The following SMO variants were observed in gnomAD, a reference collection of about 807,000 sequenced individuals.
SMO encodes protein smoothened.
A neutral mutation model predicts 81.6 loss-of-function variants in SMO; 40 were observed. That is an observed-to-expected ratio of 0.49 (90% CI 0.38 to 0.64). The LOEUF (loss-of-function observed/expected upper bound fraction) is 0.64, where lower values mean the gene tolerates loss of function less well. Ranked by LOEUF, SMO falls within the 30% of genes least tolerant of loss-of-function variation. The pLI, the probability that SMO is intolerant of heterozygous loss-of-function variation, is 0.00. For synonymous variants in SMO, 434 were observed against 432.1 expected, an observed-to-expected ratio of 1.00 and a Z score of -0.05; for missense variants, 916 against 1,061.1, an observed-to-expected ratio of 0.86 and a Z score of 1.90.
rs904149234 is a variant in SMO, at chr7:129,188,906, T to A, written c.-246T>A. 3.1e-6 allele frequency: 1 copy of A among 327,638 alleles called. No individual in the cohort carries two copies. Among genetic ancestry groups the A allele is most frequent in the Non-Finnish European group, 5.6e-6 (1 of 179,880 alleles). 20.3% of individuals were successfully genotyped at this position (327,638 alleles called of 1,614,324 possible). The stretch of plus-strand genomic sequence containing the variant: ...ACAACTTGGATTGCGAGGCTAGGGC[T>A]TGGGGAGTCGTGCATCCCGTTCCGG... On this transcript the variant is annotated 5_prime_UTR_variant, in exon 1 of 12. It adds an upstream start codon to the 5' untranslated region. Coordinates refer to ENST00000249373, the MANE Select transcript of SMO (RefSeq NM_005631.5). The surrounding 1 kb of genome is among the most constrained non-coding windows in gnomAD (Gnocchi z 4.9).
rs2150656817 is a variant in SMO at position 129,212,226 on chromosome 7, G to A, written c.2139G>A (p.Leu713=). The part of the protein sequence containing the change: ...RLPQLPRQKC[L]VAAGAWGAGD... ...CTCAGCTGCCCCGGCAGAAATGCCT[G>A]GTGGCTGCAGGTGCCTGGGGAGCTG... The change falls in exon 12 of 12, where the codon CTG becomes CTA. Residue 713 remains leucine (L), a synonymous_variant. Transcript: ENST00000249373. This position sits in a 1 kb window ranked among gnomAD's most constrained non-coding sequence, Gnocchi z 5.0. The A allele has an allele frequency of 6.3e-7, 1 of 1,585,204 alleles. No homozygotes were observed. Among genetic ancestry groups the A allele is most frequent in the Non-Finnish European group, 8.6e-7 (1 of 1,165,670 alleles).
rs762347438 is a variant in SMO at position 129,203,400 on chromosome 7, C to T, written c.348C>T (p.Pro116=). ...CACCCCCAGGCCTCCGGAATGCCCC[C>T]CGCTGCTGGGCAGTGATCCAGCCCC... The part of the protein sequence containing the change: ...LVLWSGLRNA[P]RCWAVIQPLL... Residue 116 remains proline (P), a synonymous_variant, in exon 2 of 12, where the codon CCC becomes CCT. Coordinates refer to ENST00000249373, the MANE Select transcript of SMO (RefSeq NM_005631.5). 1.3e-6 allele frequency: 2 copies of T among 1,552,438 alleles called. No individual in the cohort carries two copies. The highest frequency in any genetic ancestry group is 1.7e-6 in the Non-Finnish European group (2 of 1,147,616).
At position 129,211,203 on chromosome 7, in the gene SMO, T is replaced by G. The variant is rs1392111976; in HGVS notation, c.1801+90T>G. The G allele has an allele frequency of 7.2e-7, 1 of 1,393,604 alleles. No individual in the cohort carries two copies. Among genetic ancestry groups the G allele is most frequent in the African/African-American group, 1.4e-5 (1 of 70,254 alleles). 86.3% of individuals were successfully genotyped at this position (1,393,604 alleles called of 1,614,324 possible). A position where few individuals can be genotyped will look rare whatever the true frequency, so the allele number is the denominator to read the frequency against. ...CAGCCTGCTGGGGGCACACAGATTATTTGGAAGACCGACTGTGAGGAGCAA... is the reference window on the plus strand; with the variant it reads ...CAGCCTGCTGGGGGCACACAGATTAGTTGGAAGACCGACTGTGAGGAGCAA... On this transcript the variant is annotated intron_variant, in intron 10 of 11. Transcript: ENST00000249373. This position sits in a 1 kb window ranked among gnomAD's most constrained non-coding sequence, Gnocchi z 4.6.
rs765318381 is a variant in SMO at position 129,211,450 on chromosome 7, T to C, written c.1802-186T>C. On this transcript the variant is annotated intron_variant, in intron 10 of 11. Transcript: ENST00000249373. The surrounding 1 kb of genome is among the most constrained non-coding windows in gnomAD (Gnocchi z 4.6). The stretch of plus-strand genomic sequence containing the variant: ...GATTTCTGGCCTCCAGTTAGGCCCT[T>C]TGGGGACGTGAGGCCCTTCTCTTCA... 4 of 749,282 alleles carry C rather than the reference T, an allele frequency of 5.3e-6. No homozygotes were observed. The highest frequency in any genetic ancestry group is 2.7e-5 in the East Asian group (1 of 37,536). 46.4% of individuals were successfully genotyped at this position (749,282 alleles called of 1,614,324 possible). A position where few individuals can be genotyped will look rare whatever the true frequency, so the allele number is the denominator to read the frequency against.
Position 129,205,182 on chromosome 7 carries a change from T to C in SMO, c.538-21T>C, listed in dbSNP as rs779345222. The C allele has an allele frequency of 2.0e-5, 33 of 1,610,336 alleles. No homozygotes were observed. The South Asian group carries it at 3.6e-4, about 18-fold the overall frequency. ...GTCCCTGAGCTGCCTTGACACCGTC[T>C]TTTCCCATCCCTGGTGCCAGAATGA... On this transcript the variant is annotated intron_variant, in intron 2 of 11. Transcript: ENST00000249373.
Position 129,206,331 on chromosome 7 carries a change from C to G in SMO, c.1102C>G (p.Pro368Ala), listed in dbSNP as rs374812951. The stretch of plus-strand genomic sequence containing the variant: ...CTTCCACCTGCTCACCTGGTCACTC[C>G]CCTTTGTCCTCACTGTGGCAATCCT... ...SYFHLLTWSL[P>A]FVLTVAILAV... Residue 368 changes from proline to alanine, a missense_variant, in exon 5 of 12, where the codon CCC (proline) becomes GCC (alanine). Coordinates refer to ENST00000249373, the MANE Select transcript of SMO (RefSeq NM_005631.5). This position sits in a 1 kb window ranked among gnomAD's most constrained non-coding sequence, Gnocchi z 4.4. 1.8e-5 allele frequency: 29 copies of G among 1,614,058 alleles called. No homozygotes were observed. The African/African-American group carries it at 3.3e-4, about 19-fold the overall frequency.
rs949027534 is a variant in SMO at position 129,211,838 on chromosome 7, G to C, written c.1936+68G>C. On this transcript the variant is annotated intron_variant, in intron 11 of 11. Transcript: ENST00000249373. This position sits in a 1 kb window ranked among gnomAD's most constrained non-coding sequence, Gnocchi z 4.6. ...GAGGCTGGGGGCTTCTGGGACTGGA[G>C]TACAGGGGCTGTCGGAGGAGGAGGA... 6.3e-7 allele frequency: 1 copy of C among 1,583,768 alleles called. No individual in the cohort carries two copies.
chr7:129,200,478 T>C (rs1255567327), intron 1 of SMO, among the ~76,000 whole-genome samples: 1 of 152,194 alleles, frequency 6.6e-6, no homozygotes, highest in East Asian at 1.9e-4. Flanking sequence ...AGAAAAACAA[T>C]GTAGTTATTT....
intron 1 of SMO, among the ~76,000 whole-genome samples, chr7:129,201,968 A>C (rs565291439): frequency 6.6e-6 from 1 of 152,166 alleles, no homozygotes; most frequent in Non-Finnish European, 1.5e-5. Flanking sequence ...GGTGTGAGCC[A>C]CTGCGCCTGG....
rs2150648133 is a variant in SMO, at chr7:129,205,242, T to C, written c.577T>C (p.Cys193Arg). Residue 193 changes from cysteine to arginine, a missense_variant, in exon 3 of 12, where the codon TGC becomes CGC. Physicochemically the swap from Cys to Arg is radical, Grantham distance 180. Around this residue, in one of 4 missense-constraint regions of SMO, gnomAD observed 436 missense variants for 570.9 expected, o/e 0.76. Coordinates refer to ENST00000249373, the MANE Select transcript of SMO (RefSeq NM_005631.5). ...CATCAAGTTCAACAGTTCAGGCCAG[T>C]GCGAAGTGCCCTTGGTTCGGACAGA... Reference protein sequence around the residue: ...QNIKFNSSGQCEVPLVRTDNP... With the variant: ...QNIKFNSSGQREVPLVRTDNP... The C allele has an allele frequency of 6.2e-7, 1 of 1,614,198 alleles. No individual in the cohort carries two copies. The highest frequency in any genetic ancestry group is 1.1e-5 in the South Asian group (1 of 91,082).
In SMO at chr7:129,211,510, G is replaced by A. The variant is rs1200150224; in HGVS notation, c.1802-126G>A. 4 of 1,063,472 alleles carry A rather than the reference G, an allele frequency of 3.8e-6. No individual in the cohort carries two copies. The African/African-American group carries it at 4.7e-5, about 12-fold the overall frequency. 65.9% of individuals were successfully genotyped at this position (1,063,472 alleles called of 1,614,324 possible). A position where few individuals can be genotyped will look rare whatever the true frequency, so the allele number is the denominator to read the frequency against. On this transcript the variant is annotated intron_variant, in intron 10 of 11. Coordinates refer to ENST00000249373, the MANE Select transcript of SMO (RefSeq NM_005631.5). The surrounding 1 kb of genome is among the most constrained non-coding windows in gnomAD (Gnocchi z 4.6). ...GGGGTAGAGATCACCGTGGTTACAG[G>A]GTGAGCTTTCTCTGGTGAGCAGGAG...
intron 1 of SMO, among the ~76,000 whole-genome samples, chr7:129,193,807 T>A (rs1793523819): frequency 1.0e-5 from 1 of 98,752 alleles, no homozygotes; most frequent in African/African-American, 4.1e-5. Flanking sequence ...TATATATATA[T>A]ATATATATAT....
rs1793432358 is a variant in SMO at position 129,188,656 on chromosome 7, G to C, written c.-496G>C. Reference sequence around the variant, plus strand: ...GCATTCCAGAGAGCCCAGCGAGCTAGAGCAACAAAGGAGCCGGGTCGCCGG... The same window carrying C: ...GCATTCCAGAGAGCCCAGCGAGCTACAGCAACAAAGGAGCCGGGTCGCCGG... On this transcript the variant is annotated 5_prime_UTR_variant, in exon 1 of 12. Coordinates refer to ENST00000249373, the MANE Select transcript of SMO (RefSeq NM_005631.5). The surrounding 1 kb of genome is among the most constrained non-coding windows in gnomAD (Gnocchi z 4.9). Among the ~76,000 whole-genome samples the C allele has an allele frequency of 6.6e-6, 1 of 152,152 alleles. No homozygotes were observed. The highest frequency in any genetic ancestry group is 2.4e-5 in the African/African-American group (1 of 41,446).
chr7:129,205,456 C>T lies in SMO; in HGVS notation c.747+44C>T, dbSNP rs201383344. On this transcript the variant is annotated intron_variant, in intron 3 of 11. Transcript: ENST00000249373. ...GGCCCGGGGGGCCCTCAGCCTGGAA[C>T]GTGGGAAGAGAGCCAGAGGGAAGGG... 5.4e-3 allele frequency: 8,575 copies of T among 1,585,098 alleles called. 31 individuals carry two copies. The highest frequency in any genetic ancestry group is 6.2e-3 in the Non-Finnish European group (7,215 of 1,158,786).
At chr7:129,198,171 C>T (rs570669895) in intron 1 of SMO, among the ~76,000 whole-genome samples, 9 of 152,138 alleles carry the variant, frequency 5.9e-5, no homozygotes, top group Non-Finnish European at 1.2e-4. Context: ...AGGTTGGTCT[C>T]GAACTCCTGA....
chr7:129,197,829 C>A (rs1405120541), intron 1 of SMO, among the ~76,000 whole-genome samples: 1 of 151,984 alleles, frequency 6.6e-6, no homozygotes, highest in Non-Finnish European at 1.5e-5. Context: ...AATATTAAAC[C>A]AGCCTTAGAA....
At chr7:129,197,588 C>T (rs368843730) in intron 1 of SMO, among the ~76,000 whole-genome samples, 8 of 152,066 alleles carry the variant, frequency 5.3e-5, no homozygotes, top group Admixed American at 2.0e-4. Flanking sequence ...CCACCACGCC[C>T]GGCTAATTTT....
intron 1 of SMO, among the ~76,000 whole-genome samples, chr7:129,191,394 C>A (rs1445666571): frequency 6.6e-6 from 1 of 152,192 alleles, no homozygotes; most frequent in Non-Finnish European, 1.5e-5. Flanking sequence ...AGGGCAGGGT[C>A]CTACAGAGAT....
At position 129,189,525 on chromosome 7, in the gene SMO, G is replaced by A. The variant is rs2150638652; in HGVS notation, c.331+43G>A. Reference sequence around the variant, plus strand: ...GGGTCTGGGGGGCGGGAGGTGCCGCGGTAAGATGGGGGCACCCTTGGAAAG... The same window carrying A: ...GGGTCTGGGGGGCGGGAGGTGCCGCAGTAAGATGGGGGCACCCTTGGAAAG... On this transcript the variant is annotated intron_variant, in intron 1 of 11. Coordinates refer to ENST00000249373, the MANE Select transcript of SMO (RefSeq NM_005631.5). The surrounding 1 kb of genome is among the most constrained non-coding windows in gnomAD (Gnocchi z 4.7). 1 of 1,529,232 alleles carries A rather than the reference G, an allele frequency of 6.5e-7. No individual in the cohort carries two copies. The allele number at this position is 1,529,232 out of a possible 1,614,324, so 94.7% of individuals were successfully genotyped here. A position where few individuals can be genotyped will look rare whatever the true frequency, so the allele number is the denominator to read the frequency against.
Sources: gnomAD v4.1 joint callset for allele counts (sites outside exome capture counted in the v4.1 genomes callset) on GRCh38, gnomAD v4.1.1 for gene constraint, gnomAD v4.1.1 regional missense constraint, Gnocchi (gnomAD v3.1) non-coding constraint, MANE v1.5 for transcripts, NCBI Gene and HGNC (gene_info 2026-07-23, HGNC 2026-07-21) for gene names.